Variants in PABIR3 observed in about 807,000 individuals in gnomAD.
PABIR3 encodes the protein PABIR family member 1.
In PABIR3, 20 loss-of-function variants were observed where a neutral mutation model predicts 23.1. The ratio of observed to expected loss-of-function variants is 0.86; its 90% confidence interval spans 0.61 to 1.26. The LOEUF (loss-of-function observed/expected upper bound fraction) is 1.26, where lower values mean the gene tolerates loss of function less well. Among genes scored for constraint, PABIR3 ranks in the 50% most tolerant of loss-of-function variants. The pLI, the probability that PABIR3 is intolerant of heterozygous loss-of-function variation, is 0.00. For synonymous variants in PABIR3, 69 were observed against 68.5 expected (o/e 1.01, Z -0.04); for missense variants, 189 against 195.4 (o/e 0.97, Z 0.20).
intron 4 of PABIR3, among the ~76,000 whole-genome samples, chrX:134,839,967 C>G (rs1181651072): frequency 8.9e-6 from 1 of 112,652 alleles, no homozygotes; most frequent in Non-Finnish European, 1.9e-5. Flanking sequence ...GTTGCCGTGT[C>G]TGTGTAGAAA....
chrX:134,850,323 G>A (rs2082588040), intron 9 of PABIR3, among the ~76,000 whole-genome samples: 1 of 111,509 alleles, frequency 9.0e-6, no homozygotes, highest in African/African-American at 3.3e-5. Flanking sequence ...AATGTTCTTT[G>A]TATATTTTCG....
At chrX:134,810,551 T>C in intron 2 of PABIR3, 1 of 753,935 alleles carries the variant, frequency 1.3e-6, no homozygotes, top group Non-Finnish European at 1.6e-6. Context: ...TGAGGGCATA[T>C]TTTGTGCTGT....
chrX:134,844,074 G>A (rs1277128902), intron 4 of PABIR3: 1 of 108,972 alleles, frequency 9.2e-6, no homozygotes, highest in Non-Finnish European at 1.9e-5. Context: ...ACAGGTGTAT[G>A]CTACCACACT....
intron 2 of PABIR3, among the ~76,000 whole-genome samples, chrX:134,812,864 T>C (rs144839725): frequency 0.014 from 1,562 of 111,932 alleles, 31 homozygotes; most frequent in African/African-American, 0.048. Context: ...CCACTTTGCC[T>C]GAACCCCTGA....
At chrX:134,838,352 C>T (rs186448363) in intron 4 of PABIR3, among the ~76,000 whole-genome samples, 1,247 of 108,857 alleles carry the variant, frequency 0.011, 21 homozygotes, top group African/African-American at 0.04. Flanking sequence ...CTCGCTCTGT[C>T]GCCCAGGCTG....
intron 3 of PABIR3, among the ~76,000 whole-genome samples, chrX:134,817,620 A>G (rs1384961036): frequency 9.2e-6 from 1 of 109,206 alleles, no homozygotes; most frequent in African/African-American, 3.3e-5. Context: ...AAGTCCTGGA[A>G]AAGGAAGTGT....
rs2082399369 is a variant in PABIR3 at position 134,845,392 on chromosome X, C to T, written c.336C>T (p.Gly112=). 2.5e-6 allele frequency: 3 copies of T among 1,201,609 alleles called. No individual in the cohort carries two copies. The highest frequency in any genetic ancestry group is 3.4e-6 in the Non-Finnish European group (3 of 891,055). ...EIQISHSWEE[G]LKLNDNGLQK... is the part of the protein sequence containing the mutation. ...AGATAAGTCACTCTTGGGAAGAAGG[C>T]TTGAAACTGGTATGATATTATAACT... is the stretch of plus-strand genomic sequence containing the variant. The change falls in exon 6 of 11, where the codon GGC becomes GGT. Residue 112 remains glycine (G), a synonymous_variant. Transcript: ENST00000645433.
At chrX:134,822,675 A>G in intron 3 of PABIR3, 2 of 737,346 alleles carry the variant, frequency 2.7e-6, no homozygotes, top group South Asian at 1.4e-4. Context: ...TTTATGAAGG[A>G]AATTTGCCAT....
chrX:134,800,895 A>T, intron 1 of PABIR3, among the ~76,000 whole-genome samples: 1 of 112,697 alleles, frequency 8.9e-6, no homozygotes, highest in Admixed American at 9.4e-5. Context: ...ACTGCCCGAA[A>T]GGTAACTCAG....
At chrX:134,829,421 CA>C (rs779973197) in intron 4 of PABIR3, 139 bp downstream of exon 4, 469 of 394,189 alleles carry the variant, frequency 1.2e-3, no homozygotes, top group South Asian at 1.8e-3. Context: ...ATGATTTCTT[CA>C]AAAAAAAAAC....
intron 9 of PABIR3, among the ~76,000 whole-genome samples, chrX:134,851,716 G>A (rs1221510145): frequency 8.9e-6 from 1 of 111,908 alleles, no homozygotes; most frequent in African/African-American, 3.2e-5. Context: ...AACCAAAAAA[G>A]AGAGCTGAGT....
At chrX:134,858,785 A>C (rs2082760451), downstream of PABIR3, among the ~76,000 whole-genome samples, 1 of 111,834 alleles carries the variant, frequency 8.9e-6, no homozygotes, top group Non-Finnish European at 1.9e-5. Flanking sequence ...AGGGTAAACA[A>C]GATTGATTTC....
At chrX:134,841,041 T>C (rs73568798) in intron 4 of PABIR3, among the ~76,000 whole-genome samples, 1,390 of 110,900 alleles carry the variant, frequency 0.013, 21 homozygotes, top group African/African-American at 0.044. Context: ...TCACTGCAGC[T>C]TCAATCTCCC....
At chrX:134,845,511 A>C in intron 6 of PABIR3, 110 bp downstream of exon 6, 1 of 665,338 alleles carries the variant, frequency 1.5e-6, no homozygotes, top group Non-Finnish European at 2.3e-6. Flanking sequence ...TCTATTTTGA[A>C]ACAAAAATTG....
chrX:134,863,720 T>TCTCCTG, the PABIR3 span, among the ~76,000 whole-genome samples: 22 of 111,652 alleles, frequency 2.0e-4, no homozygotes, highest in African/African-American at 7.2e-4. Context: ...TGTTCTCAGC[T>TCTCCTG]CTCCTGCTAA....
At chrX:134,838,895 T>G (rs1308729758) in intron 4 of PABIR3, 1 of 111,357 alleles carries the variant, frequency 9.0e-6, no homozygotes, top group African/African-American at 3.4e-5. Flanking sequence ...GGGGTTTCGC[T>G]GTGTTGGCCG....
the PABIR3 span, among the ~76,000 whole-genome samples, chrX:134,862,585 T>G: frequency 8.9e-6 from 1 of 112,515 alleles, no homozygotes; most frequent in Non-Finnish European, 1.9e-5. Context: ...TATTTTTATT[T>G]GCTTTTCTCT....
chrX:134,853,969 A>C, intron 10 of PABIR3, 122 bp from the exon 11 acceptor site: 1 of 723,759 alleles, frequency 1.4e-6, no homozygotes, highest in East Asian at 3.3e-5. Context: ...CTCTTAAAAA[A>C]CTTTGCTTGT....
intron 3 of PABIR3, chrX:134,821,267 A>T: frequency 1.1e-6 from 1 of 890,823 alleles, no homozygotes; most frequent in Non-Finnish European, 1.5e-6. Context: ...AAAAAAAAAA[A>T]CTGTTCCCTC....
Sources: gnomAD v4.1 joint callset for allele counts (sites outside exome capture counted in the v4.1 genomes callset) on GRCh38, gnomAD v4.1.1 for gene constraint, MANE v1.5 for transcripts, NCBI Gene and HGNC (gene_info 2026-07-23, HGNC 2026-07-21) for gene names.